Variants in KDM4C observed in about 807,000 individuals in gnomAD.
The protein encoded by KDM4C is lysine-specific demethylase 4C.
Under a neutral mutation model 129.3 loss-of-function variants are expected in KDM4C, and 81 were observed. That is an observed-to-expected ratio of 0.63 (90% CI 0.52 to 0.75). KDM4C has a LOEUF of 0.75. KDM4C is among the 30% of genes least tolerant of loss of function. The probability of loss-of-function intolerance (pLI) is 0.00; values close to 1 mark genes in which losing one functional copy is unlikely to be tolerated. For missense variants in KDM4C, 1,457 were observed against 1,304.0 expected (o/e 1.12, Z -1.81); for synonymous variants, 573 against 456.1 (o/e 1.26, Z -3.26).
chr9:6,781,423 T>G (rs958480738), intron 1 of KDM4C, among the ~76,000 whole-genome samples: 1 of 152,174 alleles, frequency 6.6e-6, no homozygotes, highest in Non-Finnish European at 1.5e-5. Flanking sequence ...ATATAATTGT[T>G]GATTTATTAA....
chr9:6,867,783 C>CT (rs1469390056), intron 5 of KDM4C, among the ~76,000 whole-genome samples: 5 of 152,316 alleles, frequency 3.3e-5, no homozygotes, highest in Middle Eastern at 3.4e-3. Flanking sequence ...ATGGCTTCTA[C>CT]TTATGAAACT....
chr9:6,848,405 GCTTGTAATCTCAGCA>G (rs1425015524), intron 4 of KDM4C, among the ~76,000 whole-genome samples: 2 of 152,114 alleles, frequency 1.3e-5, no homozygotes, highest in African/African-American at 4.8e-5. Flanking sequence ...GGTGGCTCAC[GCTTGTAATCTCAGCA>G]CTTTGGGAGG....
intron 17 of KDM4C, among the ~76,000 whole-genome samples, chr9:7,098,652 C>G (rs1372843296): frequency 6.6e-6 from 1 of 152,176 alleles, no homozygotes; most frequent in East Asian, 1.9e-4. Context: ...TCAGTGTCCT[C>G]CATTTCCTTC....
chr9:6,856,881 C>A, intron 5 of KDM4C, among the ~76,000 whole-genome samples: 1 of 151,796 alleles, frequency 6.6e-6, no homozygotes, highest in Non-Finnish European at 1.5e-5. Context: ...CCTCAGCCTC[C>A]CGAGTAGCTG....
chr9:7,107,322 T>G (rs1265786496), intron 18 of KDM4C, among the ~76,000 whole-genome samples: 1 of 152,224 alleles, frequency 6.6e-6, no homozygotes, highest in African/African-American at 2.4e-5. Flanking sequence ...CTGGAAGTCT[T>G]GGAAATGTAT....
chr9:7,172,391 A>G (rs1264498421), intron 21 of KDM4C, among the ~76,000 whole-genome samples: 1 of 152,166 alleles, frequency 6.6e-6, no homozygotes, highest in Non-Finnish European at 1.5e-5. Context: ...GCTCCTGGTA[A>G]ATCGGTTTTA....
chr9:7,036,455 A>T (rs1013844585), intron 15 of KDM4C, among the ~76,000 whole-genome samples: 2 of 152,154 alleles, frequency 1.3e-5, no homozygotes, highest in Non-Finnish European at 2.9e-5. Context: ...GCCACTTAAT[A>T]TGTGCCTGGC....
intron 8 of KDM4C, among the ~76,000 whole-genome samples, chr9:6,909,643 G>A (rs183917500): frequency 7.2e-5 from 11 of 152,040 alleles, no homozygotes; most frequent in Admixed American, 1.3e-4. Context: ...GCTTTCACTC[G>A]TATTTTTAAC....
chr9:6,828,728 G>A (rs992228292), intron 4 of KDM4C, among the ~76,000 whole-genome samples: 10 of 151,864 alleles, frequency 6.6e-5, no homozygotes, highest in Admixed American at 2.0e-4. Context: ...AAAATTAGCC[G>A]GGCGTGGTGA....
At chr9:7,114,415 T>A (rs1241639556) in intron 18 of KDM4C, among the ~76,000 whole-genome samples, 1 of 152,154 alleles carries the variant, frequency 6.6e-6, no homozygotes, top group Non-Finnish European at 1.5e-5. Context: ...TAAACTTAAT[T>A]AGAATGAAGG....
At chr9:7,096,628 A>G (rs1836470058) in intron 17 of KDM4C, among the ~76,000 whole-genome samples, 1 of 152,136 alleles carries the variant, frequency 6.6e-6, no homozygotes, top group East Asian at 1.9e-4. Flanking sequence ...TGGTCAAGGT[A>G]CTCCCCAGAC....
upstream of KDM4C, among the ~76,000 whole-genome samples, chr9:6,753,747 T>A (rs1818148379): frequency 6.6e-6 from 1 of 152,172 alleles, no homozygotes; most frequent in Non-Finnish European, 1.5e-5. Context: ...ACGGCATTAA[T>A]TCATTAATAA....
At chr9:6,888,197 A>G (rs1263632339) in intron 7 of KDM4C, 134 bp downstream of exon 7, 3 of 420,364 alleles carry the variant, frequency 7.1e-6, no homozygotes, top group African/African-American at 4.2e-5. Flanking sequence ...TTTATAGCAT[A>G]TCAATTATTT....
At chr9:7,098,207 A>G (rs1342310914) in intron 17 of KDM4C, among the ~76,000 whole-genome samples, 2 of 152,204 alleles carry the variant, frequency 1.3e-5, no homozygotes, top group Non-Finnish European at 2.9e-5. Flanking sequence ...TATTTTGAAT[A>G]CATGTAACCT....
intron 12 of KDM4C, among the ~76,000 whole-genome samples, chr9:6,996,627 C>T (rs998004327): frequency 6.6e-6 from 1 of 152,128 alleles, no homozygotes; most frequent in Non-Finnish European, 1.5e-5. Flanking sequence ...GTACAGAGGA[C>T]GTCGTGAGCA....
At chr9:7,031,579 A>T (rs1018575916) in intron 15 of KDM4C, among the ~76,000 whole-genome samples, 13 of 152,092 alleles carry the variant, frequency 8.5e-5, no homozygotes, top group African/African-American at 3.1e-4. Flanking sequence ...GAGTGATTTT[A>T]AAAAAAACTA....
intron 4 of KDM4C, among the ~76,000 whole-genome samples, chr9:6,832,565 A>C (rs1835049270): frequency 6.9e-6 from 1 of 145,586 alleles, no homozygotes; most frequent in Non-Finnish European, 1.5e-5. Context: ...AGCTGGGACT[A>C]CAGGCGCCCG....
At chr9:6,759,962 TATAAATAAATAA>T (rs34081778) in intron 1 of KDM4C, among the ~76,000 whole-genome samples, 29 of 143,074 alleles carry the variant, frequency 2.0e-4, no homozygotes, top group African/African-American at 3.3e-4. Context: ...AAAGTAAAAA[TATAAATAAATAA>T]ATAAATAAAT....
At chr9:6,777,833 A>G (rs1051703323) in intron 1 of KDM4C, among the ~76,000 whole-genome samples, 1 of 151,322 alleles carries the variant, frequency 6.6e-6, no homozygotes, top group Non-Finnish European at 1.5e-5. Flanking sequence ...AGCCATAAAA[A>G]CTTGAAATTC....
Sources: allele counts gnomAD v4.1 joint callset (sites outside exome capture counted in the v4.1 genomes callset), GRCh38; gene constraint gnomAD v4.1.1; transcripts MANE v1.5; gene names NCBI Gene and HGNC (gene_info 2026-07-23, HGNC 2026-07-21).